The following MIS18BP1 variants were observed in gnomAD, a reference collection of about 807,000 sequenced individuals.
MIS18BP1 encodes mis18-binding protein 1.
Under a neutral mutation model 116.1 loss-of-function variants are expected in MIS18BP1, and 72 were observed. The observed-to-expected ratio is 0.62, with a 90% confidence interval of 0.51 to 0.75. MIS18BP1 has a LOEUF of 0.75. MIS18BP1 is among the 30% of genes least tolerant of loss of function. The pLI is 0.00. For missense variants in MIS18BP1, 1,363 were observed against 1,303.2 expected, an observed-to-expected ratio of 1.05 and a Z score of -0.71; for synonymous variants, 386 against 427.0, an observed-to-expected ratio of 0.90 and a Z score of 1.18.
intron 13 of MIS18BP1, among the ~76,000 whole-genome samples, chr14:45,212,027 T>C (rs540900169): frequency 1.3e-5 from 2 of 152,304 alleles, no homozygotes; most frequent in South Asian, 4.1e-4. Context: ...ACTTAGCTGT[T>C]GGTGTCACCA....
chr14:45,203,949 T>C lies in MIS18BP1; in HGVS notation c.*160A>G. The C allele has an allele frequency of 1.0e-6, 1 of 995,320 alleles. No individual in the cohort carries two copies. Among genetic ancestry groups the C allele is most frequent in the Non-Finnish European group, 1.4e-6 (1 of 724,604 alleles). 61.7% of individuals were successfully genotyped at this position (995,320 alleles called of 1,614,324 possible). ...TTACATTTTTAGTAAGCTGCAGCAA[T>C]GAGGATATTTTACTTTGAACACAAA... On this transcript the variant is annotated 3_prime_UTR_variant, in exon 17 of 17. Transcript: ENST00000310806.
Position 45,203,918 on chromosome 14 carries a change from T to A in MIS18BP1, c.*191A>T. The A allele has an allele frequency of 1.5e-6, 1 of 685,122 alleles. No homozygotes were observed. The highest frequency in any genetic ancestry group is 4.1e-5 in the South Asian group (1 of 24,564). The allele number at this position is 685,122 out of a possible 1,614,324, so 42.4% of individuals were successfully genotyped here. ...CAGATATCTACACGAGCAAAAACAA[T>A]TTTCTTTACATTTTTAGTAAGCTGC... On this transcript the variant is annotated 3_prime_UTR_variant, in exon 17 of 17. Coordinates refer to ENST00000310806, the MANE Select transcript of MIS18BP1 (RefSeq NM_018353.5).
chr14:45,216,931 A>T (rs1444233937), intron 13 of MIS18BP1, 88 bp downstream of exon 13: 53 of 1,404,486 alleles, frequency 3.8e-5, no homozygotes, highest in Non-Finnish European at 1.1e-5. Context: ...CCTTGGCCTA[A>T]ATATTAGTGA....
At chr14:45,228,002 C>T (rs1438791177) in intron 8 of MIS18BP1, among the ~76,000 whole-genome samples, 188 bp from the exon 9 acceptor site, 1 of 152,046 alleles carries the variant, frequency 6.6e-6, no homozygotes, top group African/African-American at 2.4e-5. Flanking sequence ...AATAGTGATA[C>T]ACTGATTCTA....
chr14:45,245,410 G>A, intron 2 of MIS18BP1, among the ~76,000 whole-genome samples: 1 of 151,424 alleles, frequency 6.6e-6, no homozygotes, highest in East Asian at 1.9e-4. Context: ...TGTTGCCCAG[G>A]CTGGAGTGCA....
At chr14:45,225,827 T>C (rs920648117) in intron 10 of MIS18BP1, among the ~76,000 whole-genome samples, 2 of 152,150 alleles carry the variant, frequency 1.3e-5, no homozygotes, top group Admixed American at 6.5e-5. Flanking sequence ...TAGAAACATA[T>C]TACAACCACC....
chr14:45,212,602 A>G (rs1301141833), intron 13 of MIS18BP1, among the ~76,000 whole-genome samples: 1 of 152,230 alleles, frequency 6.6e-6, no homozygotes, highest in East Asian at 1.9e-4. Context: ...GGTGATCAGC[A>G]GCTTCCTCAT....
intron 1 of MIS18BP1, among the ~76,000 whole-genome samples, chr14:45,251,026 G>T (rs1891858303): frequency 9.5e-6 from 1 of 105,226 alleles, no homozygotes; most frequent in African/African-American, 3.9e-5. Flanking sequence ...GAGACATCAA[G>T]ACTCTGCCTC....
chr14:45,205,781 G>C (rs1890498406), intron 15 of MIS18BP1, among the ~76,000 whole-genome samples: 1 of 152,072 alleles, frequency 6.6e-6, no homozygotes, highest in Non-Finnish European at 1.5e-5. Flanking sequence ...TTTGTGTTTT[G>C]TGTTTTTGTG....
At chr14:45,227,472 G>A (rs1891152664) in intron 9 of MIS18BP1, among the ~76,000 whole-genome samples, 191 bp downstream of exon 9, 1 of 151,168 alleles carries the variant, frequency 6.6e-6, no homozygotes, top group South Asian at 2.1e-4. Context: ...TTGAACCCAG[G>A]AGGCAGAGGG....
intron 2 of MIS18BP1, among the ~76,000 whole-genome samples, chr14:45,245,458 G>A (rs1448785427): frequency 6.6e-6 from 1 of 151,712 alleles, no homozygotes; most frequent in East Asian, 1.9e-4. Context: ...TCTGCCTCCC[G>A]GGTTCAAGCA....
At chr14:45,237,081 T>C (rs1891451008) in intron 5 of MIS18BP1, among the ~76,000 whole-genome samples, 2 of 151,854 alleles carry the variant, frequency 1.3e-5, no homozygotes, top group Admixed American at 1.3e-4. Context: ...TTATAACCTT[T>C]TATTACAAAT....
rs546481313 is a variant in MIS18BP1, at chr14:45,232,117, C to T, written c.1436+616G>A. On this transcript the variant is annotated intron_variant, in intron 7 of 16. Transcript: ENST00000310806. ...GAAATGCTTCACAGACCAAAGCAAACTCCAAAACTGGCATTTCAGGCGGGC... is the reference window on the plus strand; with the variant it reads ...GAAATGCTTCACAGACCAAAGCAAATTCCAAAACTGGCATTTCAGGCGGGC... 5.3e-5 allele frequency among the ~76,000 whole-genome samples: 8 copies of T among 152,276 alleles called. No individual in the cohort carries two copies. In the South Asian group the frequency reaches 1.2e-3, roughly 24 times the overall value.
chr14:45,251,116 T>C (rs1891862982), intron 1 of MIS18BP1, among the ~76,000 whole-genome samples: 1 of 150,484 alleles, frequency 6.6e-6, no homozygotes, highest in South Asian at 2.1e-4. Context: ...TCAAACCACA[T>C]ACACAGTGGT....
intron 11 of MIS18BP1, among the ~76,000 whole-genome samples, chr14:45,221,329 C>T (rs918500402): frequency 6.0e-4 from 89 of 147,548 alleles, no homozygotes; most frequent in Admixed American, 2.0e-3. Flanking sequence ...CCCAGCTACT[C>T]GGGAGGCTGA....
chr14:45,242,232 T>A lies in MIS18BP1; in HGVS notation c.945A>T (p.Gln315His). Residue 315 changes from glutamine (Q) to histidine (H), a missense_variant, in exon 4 of 17, where the codon CAA becomes CAT. Transcript: ENST00000310806. ...TTCCATTTCCTTCCTTAACTTTCTG[T>A]TGCGAAGTCCCTTCTGTTGTCCTCT... ...DSERTTEGTS[Q>H]QKVKEGNGKT... 1 of 1,614,138 alleles carries A rather than the reference T, an allele frequency of 6.2e-7. No individual in the cohort carries two copies.
At position 45,204,053 on chromosome 14, in the gene MIS18BP1, T is replaced by C; in HGVS notation, c.*56A>G. ...AAAATACATGTACTCCAGTTGAAAA[T>C]ACAAACACTGTCTGCTTTATGGTAA... On this transcript the variant is annotated 3_prime_UTR_variant, in exon 17 of 17. Transcript: ENST00000310806. 6.4e-7 allele frequency: 1 copy of C among 1,572,868 alleles called. No individual in the cohort carries two copies. Among genetic ancestry groups the C allele is most frequent in the Non-Finnish European group, 8.6e-7 (1 of 1,162,844 alleles).
rs1891618420 is a variant in MIS18BP1 at position 45,242,791 on chromosome 14, T to C, written c.628A>G (p.Lys210Glu). ...VKQKIQCQQE[K>E]KAPLHNLTYE... ...GTTAAATTGTGCAGTGGTGCTTTCT[T>C]TTCCTGCTGGCACTGAATCTTTTGT... is the stretch of plus-strand genomic sequence containing the variant. The change falls in exon 3 of 17, where the codon AAG becomes GAG. Residue 210 changes from lysine (K) to glutamate (E), a missense_variant. Lys to Glu is a moderately conservative substitution (Grantham distance 56, BLOSUM62 1). Coordinates refer to ENST00000310806, the MANE Select transcript of MIS18BP1 (RefSeq NM_018353.5). 1 of 1,613,146 alleles carries C rather than the reference T, an allele frequency of 6.2e-7. No homozygotes were observed. The highest frequency in any genetic ancestry group is 8.5e-7 in the Non-Finnish European group (1 of 1,179,626).
chr14:45,211,710 A>G (rs1890678225), intron 13 of MIS18BP1, among the ~76,000 whole-genome samples: 1 of 152,192 alleles, frequency 6.6e-6, no homozygotes, highest in African/African-American at 2.4e-5. Context: ...GAGGCTCCAG[A>G]CACACCTATC....
Sources: gnomAD v4.1 joint callset for allele counts (sites outside exome capture counted in the v4.1 genomes callset) on GRCh38, gnomAD v4.1.1 for gene constraint, MANE v1.5 for transcripts, NCBI Gene and HGNC (gene_info 2026-07-23, HGNC 2026-07-21) for gene names.